ADCYAP1: variants seen among roughly 807,000 people sequenced by gnomAD.
ADCYAP1 encodes the protein pituitary adenylate cyclase-activating polypeptide.
ADCYAP1 carries 6 observed loss-of-function variants against 18.5 expected under a neutral mutation model. The ratio of observed to expected loss-of-function variants is 0.32; its 90% confidence interval spans 0.18 to 0.64. The LOEUF (loss-of-function observed/expected upper bound fraction) is 0.64. Ranked by LOEUF, ADCYAP1 falls within the 30% of genes least tolerant of loss-of-function variation. The pLI is 0.77. For synonymous variants in ADCYAP1, 136 were observed against 113.9 expected (o/e 1.19, Z -1.24); for missense variants, 314 against 253.6 (o/e 1.24, Z -1.62).
chr18:908,402 G>C lies in ADCYAP1; in HGVS notation c.341+39G>C, dbSNP rs780554545. On this transcript the variant is annotated intron_variant, in intron 4 of 4. Transcript: ENST00000450565. ...GAAGGATTAACCTGCGCGCGCCGGG[G>C]TGGGTGCCTGTGCGGGGCGCGCGGG... is the stretch of plus-strand genomic sequence containing the variant. 17 of 1,570,020 alleles carry C rather than the reference G, an allele frequency of 1.1e-5. No individual in the cohort carries two copies. The Admixed American group carries it at 1.2e-4, about 11-fold the overall frequency.
In ADCYAP1 at chr18:906,872, T is replaced by C. The variant is rs974267870; in HGVS notation, c.111-787T>C. ...CGGTCCCCCTCCTCGTGCTCTGGGG[T>C]TGAGATGGGGCACCGCCATCGATAA... On this transcript the variant is annotated intron_variant, in intron 2 of 4. Coordinates refer to ENST00000450565, the MANE Select transcript of ADCYAP1 (RefSeq NM_001099733.2). Among the ~76,000 whole-genome samples, 4 of 152,116 alleles carry C rather than the reference T, an allele frequency of 2.6e-5. No homozygotes were observed. The South Asian group carries it at 8.3e-4, about 32-fold the overall frequency.
intron 1 of ADCYAP1, 68 bp downstream of exon 1, chr18:905,128 C>G: frequency 7.3e-7 from 1 of 1,371,686 alleles, no homozygotes; most frequent in Non-Finnish European, 9.5e-7. Context: ...CTTGGCATCG[C>G]GTCAGGGGAG....
In ADCYAP1 at chr18:905,032, G is replaced by A; in HGVS notation, c.-30G>A. ...GCTTTGCCCGCCGTCCTACCTGGCA[G>A]CTCTCCTGGCAGCGGGAGGAGTTGA... On this transcript the variant is annotated 5_prime_UTR_variant, in exon 1 of 5. Coordinates refer to ENST00000450565, the MANE Select transcript of ADCYAP1 (RefSeq NM_001099733.2). 7.7e-7 allele frequency: 1 copy of A among 1,295,246 alleles called. No homozygotes were observed. 80.2% of individuals were successfully genotyped at this position (1,295,246 alleles called of 1,614,324 possible). A position where few individuals can be genotyped will look rare whatever the true frequency, so the allele number is the denominator to read the frequency against.
At position 910,662 on chromosome 18, in the gene ADCYAP1, G is replaced by C. The variant is rs1909356245; in HGVS notation, c.*1027G>C. On this transcript the variant is annotated 3_prime_UTR_variant, in exon 5 of 5. Coordinates refer to ENST00000450565, the MANE Select transcript of ADCYAP1 (RefSeq NM_001099733.2). ...GTCCTGACTTTGGGCGCTGGGTATT[G>C]GAAATGGATGCAAAGTACAATGTGT... The C allele has an allele frequency of 6.6e-6, 1 of 152,200 alleles. No individual in the cohort carries two copies. Among genetic ancestry groups the C allele is most frequent in the Non-Finnish European group, 1.5e-5 (1 of 68,074 alleles). The allele number at this position is 152,200 out of a possible 1,614,324, so 9.4% of individuals were successfully genotyped here. A position where few individuals can be genotyped will look rare whatever the true frequency, so the allele number is the denominator to read the frequency against.
chr18:908,580 A>G (rs1909270307), intron 4 of ADCYAP1, among the ~76,000 whole-genome samples: 1 of 152,214 alleles, frequency 6.6e-6, no homozygotes, highest in Non-Finnish European at 1.5e-5. Flanking sequence ...AACGCGAGCC[A>G]GGGAGTTTGA....
At chr18:907,534 A>G (rs571847503) in intron 2 of ADCYAP1, 125 bp from the exon 3 acceptor site, 1 of 1,030,064 alleles carries the variant, frequency 9.7e-7, no homozygotes, top group African/African-American at 1.7e-5. Context: ...CTGGGAGAAG[A>G]GACAATTCTC....
intron 4 of ADCYAP1, among the ~76,000 whole-genome samples, chr18:909,053 T>C (rs978247723): frequency 4.6e-5 from 7 of 152,186 alleles, no homozygotes; most frequent in Non-Finnish European, 7.3e-5. Context: ...GACTGGCATA[T>C]GTAGGGCTCT....
intron 4 of ADCYAP1, 142 bp downstream of exon 4, chr18:908,505 G>T (rs1233102909): frequency 6.7e-6 from 4 of 598,112 alleles, no homozygotes; most frequent in East Asian, 6.1e-5. Context: ...GCCACGGGTC[G>T]CAGTTGGAGA....
At position 908,290 on chromosome 18, in the gene ADCYAP1, G is replaced by C; in HGVS notation, c.268G>C (p.Glu90Gln). The change falls in exon 4 of 5, where the codon GAG becomes CAG. Residue 90 changes from glutamate (E) to glutamine (Q), a missense_variant. Glu to Gln is a conservative substitution (Grantham distance 29, BLOSUM62 2). Coordinates refer to ENST00000450565, the MANE Select transcript of ADCYAP1 (RefSeq NM_001099733.2). The part of the protein sequence containing the change: ...RRDVAHGILN[E>Q]AYRKVLDQLS... ...AGATGTCGCCCACGGGATCCTTAACGAGGCCTACCGCAAAGTGCTGGACCA... is the reference window on the plus strand; with the variant it reads ...AGATGTCGCCCACGGGATCCTTAACCAGGCCTACCGCAAAGTGCTGGACCA... 1 of 1,612,862 alleles carries C rather than the reference G, an allele frequency of 6.2e-7. No individual in the cohort carries two copies. Among genetic ancestry groups the C allele is most frequent in the East Asian group, 2.2e-5 (1 of 44,818 alleles).
At chr18:904,429 C>A, upstream of ADCYAP1, 1 of 1,286,020 alleles carries the variant, frequency 7.8e-7, no homozygotes, top group Non-Finnish European at 1.0e-6. Context: ...TACTTAAAGG[C>A]AACAGGCAGG....
rs536947825 is a variant in ADCYAP1 at position 908,169 on chromosome 18, G to C, written c.243-96G>C. 3.5e-6 allele frequency: 4 copies of C among 1,131,204 alleles called. No individual in the cohort carries two copies. In the South Asian group the frequency reaches 4.4e-5, roughly 13 times the overall value. 70.1% of individuals were successfully genotyped at this position (1,131,204 alleles called of 1,614,324 possible). The stretch of plus-strand genomic sequence containing the variant: ...TGGAGGTTTCCCTGTCAGCCTCCCC[G>C]GCCGCCGAGGGGGCGCGCGCCCAAC... On this transcript the variant is annotated intron_variant, in intron 3 of 4. Transcript: ENST00000450565.
In ADCYAP1 at chr18:909,479, G is replaced by A. The variant is rs756163879; in HGVS notation, c.375G>A (p.Ala125=). ...GSLGGGAGDD[A]EPLSKRHSDG... is the part of the protein sequence containing the mutation. Reference sequence around the variant, plus strand: ...TCGGCGGCGGCGCGGGGGACGACGCGGAGCCGCTCTCCAAGCGCCACTCGG... The same window carrying A: ...TCGGCGGCGGCGCGGGGGACGACGCAGAGCCGCTCTCCAAGCGCCACTCGG... Residue 125 remains alanine (A), a synonymous_variant, in exon 5 of 5, where the codon GCG becomes GCA. Transcript: ENST00000450565. The A allele has an allele frequency of 4.3e-6, 7 of 1,612,866 alleles. No individual in the cohort carries two copies. The highest frequency in any genetic ancestry group is 1.1e-5 in the South Asian group (1 of 91,002).
intron 2 of ADCYAP1, chr18:906,733 C>A (rs1909183850): frequency 1.3e-5 from 2 of 152,360 alleles, no homozygotes; most frequent in South Asian, 4.1e-4. Context: ...CACGCCAAGT[C>A]TCTCCAGGGG....
chr18:911,287 A>C lies in ADCYAP1; in HGVS notation c.*1652A>C, dbSNP rs1429069562. On this transcript the variant is annotated 3_prime_UTR_variant, in exon 5 of 5. Transcript: ENST00000450565. The stretch of plus-strand genomic sequence containing the variant: ...TTGAACATACAGAGTAATCTTTATA[A>C]ACAAAAGAACCTTCACCCAGCAATC... 1 of 152,148 alleles carries C rather than the reference A, an allele frequency of 6.6e-6. No individual in the cohort carries two copies. Among genetic ancestry groups the C allele is most frequent in the African/African-American group, 2.4e-5 (1 of 41,438 alleles). The allele number at this position is 152,148 out of a possible 1,614,324, so 9.4% of individuals were successfully genotyped here.
intron 1 of ADCYAP1, 55 bp from the exon 2 acceptor site, chr18:905,331 G>A: frequency 6.3e-7 from 1 of 1,590,560 alleles, no homozygotes; most frequent in Non-Finnish European, 8.6e-7. Flanking sequence ...GGGTTGGAGG[G>A]TGGGAGGCCA....
Position 909,627 on chromosome 18 carries a change from T to G in ADCYAP1, c.523T>G (p.Tyr175Asp), listed in dbSNP as rs1909312038. ...TAAAAACAAAGGACGCCGAATAGCT[T>G]ATTTGTAGCGATGGGTTACCAGCTA... ...RVKNKGRRIA[Y>D]L The change falls in exon 5 of 5, where the codon TAT becomes GAT. Residue 175 changes from tyrosine to aspartate, a missense_variant. By Grantham distance (160) the Tyr-to-Asp change is radical. Transcript: ENST00000450565. The G allele has an allele frequency of 5.0e-6, 8 of 1,613,248 alleles. No individual in the cohort carries two copies. Among genetic ancestry groups the G allele is most frequent in the Non-Finnish European group, 6.8e-6 (8 of 1,179,500 alleles).
intron 2 of ADCYAP1, among the ~76,000 whole-genome samples, chr18:907,267 C>T (rs573246506): frequency 6.6e-6 from 1 of 152,190 alleles, no homozygotes; most frequent in Non-Finnish European, 1.5e-5. Context: ...GGTCAGCGCC[C>T]GGTCTCCCAG....
chr18:908,951 A>T (rs1909281151), intron 4 of ADCYAP1, among the ~76,000 whole-genome samples: 1 of 152,210 alleles, frequency 6.6e-6, no homozygotes. Context: ...TTATATTATT[A>T]TCACGTTTTT....
rs1610037 is a variant in ADCYAP1 at position 910,634 on chromosome 18, A to G, written c.*999A>G. ...GAAGCTGAGGGCAAATCCAGTCCCAATGGTCCTGACTTTGGGCGCTGGGTA... is the reference window on the plus strand; with the variant it reads ...GAAGCTGAGGGCAAATCCAGTCCCAGTGGTCCTGACTTTGGGCGCTGGGTA... On this transcript the variant is annotated 3_prime_UTR_variant, in exon 5 of 5. Coordinates refer to ENST00000450565, the MANE Select transcript of ADCYAP1 (RefSeq NM_001099733.2). 40,022 of 152,168 alleles carry G rather than the reference A, an allele frequency of 0.26. 5,806 individuals are homozygous for G. Among genetic ancestry groups the G allele is most frequent in the Middle Eastern group, 0.34 (101 of 294 alleles). 9.4% of individuals were successfully genotyped at this position (152,168 alleles called of 1,614,324 possible).
Sources: gnomAD v4.1 joint callset for allele counts (sites outside exome capture counted in the v4.1 genomes callset) on GRCh38, gnomAD v4.1.1 for gene constraint, MANE v1.5 for transcripts, NCBI Gene and HGNC (gene_info 2026-07-23, HGNC 2026-07-21) for gene names.